Variants in SURF1 observed in about 807,000 individuals in gnomAD.
SURF1 encodes the protein SURF1 cytochrome c oxidase assembly factor.
In SURF1, 45 loss-of-function variants were observed where a neutral mutation model predicts 34.1. That is an observed-to-expected ratio of 1.32 (90% CI 1.04 to 1.69). The LOEUF is 1.69. Among genes scored for constraint, SURF1 ranks in the 40% most tolerant of loss-of-function variants. The pLI is 0.00. For missense variants in SURF1, 456 were observed against 384.6 expected (o/e 1.19, Z -1.55); for synonymous variants, 188 against 147.5 (o/e 1.27, Z -1.99).
At chr9:133,354,262 C>T in intron 4 of SURF1, 1 of 505,550 alleles carries the variant, frequency 2.0e-6, no homozygotes, top group Non-Finnish European at 3.6e-6. Context: ...GCTGAATATA[C>T]CTATCTCTGT....
chr9:133,352,320 T>G, intron 7 of SURF1, 126 bp downstream of exon 7: 4 of 1,525,342 alleles, frequency 2.6e-6, no homozygotes, highest in Non-Finnish European at 3.6e-6. Context: ...AGTTGCTGCC[T>G]CCTCCCACCC....
intron 4 of SURF1, chr9:133,354,146 ACTC>A (rs1012306436): frequency 2.3e-5 from 15 of 652,672 alleles, no homozygotes; most frequent in Middle Eastern, 4.0e-4. Context: ...AAAAATCTGG[ACTC>A]CTCAATGAAT....
intron 3 of SURF1, 41 bp from the exon 4 acceptor site, chr9:133,354,782 G>C (rs2130018601): frequency 1.2e-6 from 2 of 1,613,736 alleles, no homozygotes; most frequent in East Asian, 2.2e-5. Flanking sequence ...TGGCAGCAAG[G>C]TCAAGGGCCC....
chr9:133,352,043 G>C lies in SURF1; in HGVS notation c.833+18C>G, dbSNP rs2130003850. Reference sequence around the variant, plus strand: ...CTAGGCTGAAGGGGAGGAAGCCAGAGGGCCGCTGGGGACTCACCAGGTCAC... The same window carrying C: ...CTAGGCTGAAGGGGAGGAAGCCAGACGGCCGCTGGGGACTCACCAGGTCAC... On this transcript the variant is annotated intron_variant, in intron 8 of 8. Transcript: ENST00000371974. The C allele has an allele frequency of 6.2e-7, 1 of 1,612,226 alleles. No individual in the cohort carries two copies. Among genetic ancestry groups the C allele is most frequent in the South Asian group, 1.1e-5 (1 of 90,666 alleles).
chr9:133,353,841 G>C lies in SURF1; in HGVS notation c.423C>G (p.Asp141Glu). 6.2e-7 allele frequency: 1 copy of C among 1,613,872 alleles called. No individual in the cohort carries two copies. Among genetic ancestry groups the C allele is most frequent in the African/African-American group, 1.3e-5 (1 of 75,054 alleles). The change falls in exon 5 of 9, where the codon GAC becomes GAG. Residue 141 changes from aspartate (D) to glutamate (E), a missense_variant. Asp to Glu is a conservative substitution (Grantham distance 45, BLOSUM62 2). Transcript: ENST00000371974. Reference protein sequence around the residue: ...ELYMMPRTMVDPVREAREGGL... With the variant: ...ELYMMPRTMVEPVREAREGGL... ...CGCCCTCCCGGGCCTCCCGGACAGGGTCCACCATGGTCCGGGGCATCATAT... is the reference window on the plus strand; with the variant it reads ...CGCCCTCCCGGGCCTCCCGGACAGGCTCCACCATGGTCCGGGGCATCATAT...
At chr9:133,354,287 GGA>G (rs1836511173) in intron 4 of SURF1, 1 of 491,130 alleles carries the variant, frequency 2.0e-6, no homozygotes, top group African/African-American at 1.9e-5. Context: ...CATATTCTAG[GGA>G]GAGAGCAGAC....
intron 4 of SURF1, chr9:133,354,326 G>A (rs908207266): frequency 1.0e-5 from 5 of 490,190 alleles, no homozygotes; most frequent in South Asian, 2.1e-5. Flanking sequence ...TTTTTCAAAC[G>A]ACCACCCTCA....
In SURF1 at chr9:133,353,922, A is replaced by T. The variant is rs146580899; in HGVS notation, c.342T>A (p.Asn114Lys). The T allele has an allele frequency of 4.3e-6, 7 of 1,613,656 alleles. No homozygotes were observed. In the African/African-American group the frequency reaches 9.3e-5, roughly 22 times the overall value. ...TGACCTTCACTGGCCTATACTCCAG[A>T]TTTTTCAGTTCCATTGGGCTGCATG... is the stretch of plus-strand genomic sequence containing the variant. ...PLPADPMELKNLEYRPVKVRG... is the reference protein window; with the variant it reads ...PLPADPMELKKLEYRPVKVRG... The change falls in exon 5 of 9, where the codon AAT (asparagine) becomes AAA (lysine). Residue 114 changes from asparagine to lysine, a missense_variant. Transcript: ENST00000371974.
chr9:133,353,183 A>G (rs1157753759), intron 5 of SURF1, among the ~76,000 whole-genome samples: 3 of 152,158 alleles, frequency 2.0e-5, no homozygotes, highest in South Asian at 2.1e-4. Context: ...CCTGCTGGAG[A>G]TGAGTACTTG....
chr9:133,352,175 A>G (rs2130005390), intron 7 of SURF1, 33 bp from the exon 8 acceptor site: 1 of 1,562,070 alleles, frequency 6.4e-7, no homozygotes. Flanking sequence ...TCCACCCCCT[A>G]CTGGCCTGCC....
chr9:133,352,826 A>G (rs1836469252), intron 5 of SURF1, 60 bp from the exon 6 acceptor site: 4 of 1,535,994 alleles, frequency 2.6e-6, no homozygotes, highest in African/African-American at 1.4e-5. Context: ...ACAGTCACTC[A>G]TGGTCACTCA....
At position 133,356,002 on chromosome 9, in the gene SURF1, G is replaced by A. The variant is rs114030123; in HGVS notation, c.106+267C>T. Reference sequence around the variant, plus strand: ...ACCCATTAGCTGGATGGGACGTTCGGAAGTAACTCTCGAGCCTTCTCTGTA... The same window carrying A: ...ACCCATTAGCTGGATGGGACGTTCGAAAGTAACTCTCGAGCCTTCTCTGTA... On this transcript the variant is annotated intron_variant, in intron 2 of 8. Coordinates refer to ENST00000371974, the MANE Select transcript of SURF1 (RefSeq NM_003172.4). 2,405 of 564,990 alleles carry A rather than the reference G, an allele frequency of 4.3e-3. 21 individuals are homozygous for A. The highest frequency in any genetic ancestry group is 0.031 in the African/African-American group (1,623 of 52,104). 35.0% of individuals were successfully genotyped at this position (564,990 alleles called of 1,614,324 possible).
rs994136015 is a variant in SURF1 at position 133,352,472 on chromosome 9, T to G, written c.725A>C (p.Glu242Ala). Residue 242 changes from glutamate (E) to alanine (A), a missense_variant, in exon 7 of 9, where the codon GAG becomes GCG. By Grantham distance (107) the Glu-to-Ala change is moderately radical. Coordinates refer to ENST00000371974, the MANE Select transcript of SURF1 (RefSeq NM_003172.4). ...LEAMARITGAEPIFIDANFQS... is the reference protein window; with the variant it reads ...LEAMARITGAAPIFIDANFQS... ...GAAGTTGGCATCAATGAAGATGGGC[T>G]CTGCGCCTGTGATTCTGGCCATAGC... is the stretch of plus-strand genomic sequence containing the variant. 1.1e-5 allele frequency: 18 copies of G among 1,614,126 alleles called. No homozygotes were observed. Among genetic ancestry groups the G allele is most frequent in the Non-Finnish European group, 1.5e-5 (18 of 1,180,058 alleles).
intron 2 of SURF1, among the ~76,000 whole-genome samples, chr9:133,355,511 G>C (rs1836550003): frequency 6.6e-6 from 1 of 152,216 alleles, no homozygotes; most frequent in Admixed American, 6.5e-5. Flanking sequence ...CTGGGAGGAG[G>C]TGGTTGCTGT....
chr9:133,351,798 C>G lies in SURF1; in HGVS notation c.*115G>C. ...AGCCAGGATTTTATGATGAACCAGT[C>G]ATGAGCTCATTTAAGGTAGAAGGCC... On this transcript the variant is annotated 3_prime_UTR_variant, in exon 9 of 9. Transcript: ENST00000371974. The G allele has an allele frequency of 4.2e-6, 5 of 1,191,308 alleles. No individual in the cohort carries two copies. The highest frequency in any genetic ancestry group is 6.1e-6 in the Non-Finnish European group (5 of 822,598). The allele number at this position is 1,191,308 out of a possible 1,614,324, so 73.8% of individuals were successfully genotyped here.
At chr9:133,355,122 G>A (rs1368028070) in intron 2 of SURF1, among the ~76,000 whole-genome samples, 165 bp from the exon 3 acceptor site, 4 of 152,184 alleles carry the variant, frequency 2.6e-5, no homozygotes, top group Non-Finnish European at 5.9e-5. Flanking sequence ...CCCAGAACAA[G>A]GCACACACAG....
At position 133,351,852 on chromosome 9, in the gene SURF1, A is replaced by G; in HGVS notation, c.*61T>C. The stretch of plus-strand genomic sequence containing the variant: ...ACTTTATACCAGTAGCACATGATCC[A>G]GCATAAAGGCAGTCTTGAAATACTG... On this transcript the variant is annotated 3_prime_UTR_variant, in exon 9 of 9. Transcript: ENST00000371974. The G allele has an allele frequency of 6.5e-7, 1 of 1,541,440 alleles. No individual in the cohort carries two copies. The highest frequency in any genetic ancestry group is 8.9e-7 in the Non-Finnish European group (1 of 1,123,824).
intron 2 of SURF1, 34 bp downstream of exon 2, chr9:133,356,235 G>T (rs2130024641): frequency 2.6e-6 from 4 of 1,533,524 alleles, no homozygotes; most frequent in African/African-American, 1.4e-5. Flanking sequence ...CTCTGCCCAG[G>T]CGCCTGGATC....
intron 4 of SURF1, chr9:133,354,287 G>A (rs1022920989): frequency 2.0e-6 from 1 of 491,250 alleles, no homozygotes; most frequent in Non-Finnish European, 3.7e-6. Context: ...CATATTCTAG[G>A]GAGAGAGCAG....
Sources: gnomAD v4.1 joint callset for allele counts (sites outside exome capture counted in the v4.1 genomes callset) on GRCh38, gnomAD v4.1.1 for gene constraint, MANE v1.5 for transcripts, NCBI Gene and HGNC (gene_info 2026-07-23, HGNC 2026-07-21) for gene names.